The following LRRC9 variants were observed in gnomAD, a reference collection of about 807,000 sequenced individuals.
LRRC9 encodes the protein leucine rich repeat containing 9.
In LRRC9, 122 loss-of-function variants were observed where a neutral mutation model predicts 63.2. The ratio of observed to expected loss-of-function variants is 1.93; its 90% CI spans 1.67 to 2.24. LRRC9 has a LOEUF of 2.24. LRRC9 is among the 30% of genes most tolerant of loss of function. LRRC9 has a pLI of 0.00. For synonymous variants in LRRC9, 366 were observed against 213.1 expected, an observed-to-expected ratio of 1.72 and a Z score of -6.25; for missense variants, 1,071 against 627.7, an observed-to-expected ratio of 1.71 and a Z score of -7.55.
intron 19 of LRRC9, among the ~76,000 whole-genome samples, chr14:59,999,470 G>A (rs1889139525): frequency 6.6e-6 from 1 of 151,962 alleles, no homozygotes; most frequent in African/African-American, 2.4e-5. Flanking sequence ...TAGGGTAACT[G>A]CTTTTTTACC....
intron 29 of LRRC9, among the ~76,000 whole-genome samples, chr14:60,043,644 T>G (rs1457507822): frequency 6.6e-6 from 1 of 152,144 alleles, no homozygotes; most frequent in Non-Finnish European, 1.5e-5. Flanking sequence ...GAATCCCACC[T>G]GATAATGGTG....
At position 60,039,779 on chromosome 14, in the gene LRRC9, T is replaced by C. The variant is rs184545822; in HGVS notation, c.3990+7716T>C. Among the ~76,000 whole-genome samples the C allele has an allele frequency of 9.6e-3, 1,456 of 152,316 alleles. 27 individuals carry two copies. Among genetic ancestry groups the C allele is most frequent in the African/African-American group, 0.033 (1,375 of 41,574 alleles). On this transcript the variant is annotated intron_variant, in intron 29 of 31. Coordinates refer to ENST00000445360, the Ensembl canonical transcript of LRRC9. Reference sequence around the variant, plus strand: ...TCTATCTCCTTCATTTCTGCTCTTATCTTAGTTATTTCTTGCCTTCTGCTA... The same window carrying C: ...TCTATCTCCTTCATTTCTGCTCTTACCTTAGTTATTTCTTGCCTTCTGCTA...
At position 60,032,339 on chromosome 14, in the gene LRRC9, T is replaced by C. The variant is rs536156526; in HGVS notation, c.3990+276T>C. ...ATATAGTGTTAATTAATTGATGTTT[T>C]GTAGTAAGCCTTGATGTCTGGTAGA... On this transcript the variant is annotated intron_variant, in intron 29 of 31. Transcript: ENST00000445360. Among the ~76,000 whole-genome samples, 51 of 152,262 alleles carry C rather than the reference T, an allele frequency of 3.3e-4. No homozygotes were observed. The South Asian group carries it at 0.011, about 32-fold the overall frequency.
chr14:59,997,797 C>T, exon 18 of LRRC9: 1 of 701,834 alleles, frequency 1.4e-6, no homozygotes. Context: ...GTTATGCAAA[C>T]ACACCACAAG....
exon 26 of LRRC9, chr14:60,019,201 A>G (rs1890927386): frequency 1.4e-6 from 1 of 700,442 alleles, no homozygotes; most frequent in East Asian, 2.7e-5. Context: ...GTAGACAACT[A>G]CTGTACCAGA....
rs923804634 is a variant in LRRC9 at position 60,031,587 on chromosome 14, C to A, written c.3922-408C>A. Reference sequence around the variant, plus strand: ...CGCAATCCACTCAATATTACACATTCCTTTATGGTTAAGGCTGTGTTTAAT... The same window carrying A: ...CGCAATCCACTCAATATTACACATTACTTTATGGTTAAGGCTGTGTTTAAT... On this transcript the variant is annotated intron_variant, in intron 28 of 31. Transcript: ENST00000445360. This position sits in a 1 kb window ranked among gnomAD's most constrained non-coding sequence, Gnocchi z 4.6. Among the ~76,000 whole-genome samples the A allele has an allele frequency of 6.6e-6, 1 of 151,988 alleles. No homozygotes were observed. Among genetic ancestry groups the A allele is most frequent in the African/African-American group, 2.4e-5 (1 of 41,404 alleles).
Position 60,060,851 on chromosome 14 carries a change from A to G in LRRC9, c.4277-2472A>G. On this transcript the variant is annotated intron_variant, in intron 31 of 31. Coordinates refer to ENST00000445360, the Ensembl canonical transcript of LRRC9. This position sits in a 1 kb window ranked among gnomAD's most constrained non-coding sequence, Gnocchi z 4.0. ...TCTAGACGCCATTAAAAACATTTGTAATTCATCAGAGGAGGTCAAAATAGC... is the reference window on the plus strand; with the variant it reads ...TCTAGACGCCATTAAAAACATTTGTGATTCATCAGAGGAGGTCAAAATAGC... Among the ~76,000 whole-genome samples the G allele has an allele frequency of 6.6e-6, 1 of 152,202 alleles. No homozygotes were observed. The highest frequency in any genetic ancestry group is 3.2e-3 in the Middle Eastern group (1 of 316).
chr14:60,000,279 T>A (rs1004666477), intron 19 of LRRC9, among the ~76,000 whole-genome samples: 1 of 151,922 alleles, frequency 6.6e-6, no homozygotes, highest in African/African-American at 2.4e-5. Flanking sequence ...ACAATACACA[T>A]TGGAGAATAC....
chr14:60,044,095 A>G (rs1893203902), intron 29 of LRRC9, among the ~76,000 whole-genome samples: 1 of 151,942 alleles, frequency 6.6e-6, no homozygotes, highest in Non-Finnish European at 1.5e-5. Context: ...TTATTAGAGT[A>G]TAGTTCATAA....
At chr14:60,006,326 C>T in intron 21 of LRRC9, 71 bp from the exon 22 acceptor site, 2 of 605,462 alleles carry the variant, frequency 3.3e-6, no homozygotes, top group South Asian at 2.0e-5. Flanking sequence ...ATAAAATGAC[C>T]AGCCACTTAT....
At chr14:59,931,444 T>C (rs1478130241) in intron 4 of LRRC9, among the ~76,000 whole-genome samples, 175 bp from the exon 5 acceptor site, 2 of 152,074 alleles carry the variant, frequency 1.3e-5, no homozygotes, top group African/African-American at 2.4e-5. Flanking sequence ...AATTCTGAGT[T>C]CCAGTATAGA....
intron 23 of LRRC9, among the ~76,000 whole-genome samples, chr14:60,013,913 A>G (rs1890465560): frequency 6.6e-6 from 1 of 151,976 alleles, no homozygotes; most frequent in African/African-American, 2.4e-5. Context: ...ACTATAGCCA[A>G]CTGACCTGTT....
intron 27 of LRRC9, among the ~76,000 whole-genome samples, chr14:60,023,541 A>AAG (rs36075965): frequency 0.75 from 114,224 of 151,782 alleles, 44,978 homozygotes; most frequent in Non-Finnish European, 0.87. Flanking sequence ...GCACTTTTCT[A>AAG]AGAGTTATAA....
chr14:59,985,524 C>A (rs893423452), intron 17 of LRRC9, among the ~76,000 whole-genome samples: 1 of 152,114 alleles, frequency 6.6e-6, no homozygotes, highest in African/African-American at 2.4e-5. Flanking sequence ...TGACTCTGGG[C>A]ACACTGCCCA....
chr14:59,968,306 A>G (rs778462680), intron 12 of LRRC9, among the ~76,000 whole-genome samples: 2 of 152,192 alleles, frequency 1.3e-5, no homozygotes, highest in Non-Finnish European at 2.9e-5. Context: ...TTTAATGGGT[A>G]CAGAGTTTCA....
In LRRC9 at chr14:60,017,116, C is replaced by T. The variant is rs1019038420; in HGVS notation, c.3317+326C>T. ...CCAGGCTGGTCTCCAATCATGGGCT[C>T]AAGTGGTTCACCTGCCTCAGTCTCC... is the stretch of plus-strand genomic sequence containing the variant. On this transcript the variant is annotated intron_variant, in intron 24 of 31. Coordinates refer to ENST00000445360, the Ensembl canonical transcript of LRRC9. This position sits in a 1 kb window ranked among gnomAD's most constrained non-coding sequence, Gnocchi z 4.0. 6.6e-6 allele frequency among the ~76,000 whole-genome samples: 1 copy of T among 152,030 alleles called. No homozygotes were observed. Among genetic ancestry groups the T allele is most frequent in the Non-Finnish European group, 1.5e-5 (1 of 67,998 alleles).
Position 60,051,832 on chromosome 14 carries a change from G to T in LRRC9, c.3991-1233G>T, listed in dbSNP as rs1286846494. On this transcript the variant is annotated intron_variant, in intron 29 of 31. Transcript: ENST00000445360. The surrounding 1 kb of genome is among the most constrained non-coding windows in gnomAD (Gnocchi z 4.7). ...CCCTGGAGACATGGGCTCACAAGGG[G>T]ATCTCCCAATTTGTGGGTTGCAAAG... 1.3e-5 allele frequency among the ~76,000 whole-genome samples: 2 copies of T among 152,194 alleles called. No homozygotes were observed. The highest frequency in any genetic ancestry group is 2.9e-5 in the Non-Finnish European group (2 of 68,038).
At chr14:60,038,625 C>T (rs188370364) in intron 29 of LRRC9, among the ~76,000 whole-genome samples, 1 of 152,026 alleles carries the variant, frequency 6.6e-6, no homozygotes, top group Admixed American at 6.6e-5. Context: ...TTGTATCCTG[C>T]GACTTTGCTG....
At chr14:60,009,313 TG>T (rs1890067519) in intron 23 of LRRC9, among the ~76,000 whole-genome samples, 1 of 152,334 alleles carries the variant, frequency 6.6e-6, no homozygotes, top group South Asian at 2.1e-4. Flanking sequence ...TCCACATGGC[TG>T]GGGAGGCCTC....
Sources: allele counts gnomAD v4.1 joint callset (sites outside exome capture counted in the v4.1 genomes callset), GRCh38; gene constraint gnomAD v4.1.1; non-coding constraint Gnocchi (gnomAD v3.1); transcripts MANE v1.5; gene names NCBI Gene and HGNC (gene_info 2026-07-23, HGNC 2026-07-21).